The following ERBB2 variants were observed in gnomAD, a reference collection of about 807,000 sequenced individuals.
ERBB2 encodes erb-b2 receptor tyrosine kinase 2, also known as receptor tyrosine-protein kinase erbB-2.
ERBB2 carries 61 observed loss-of-function variants against 149.0 expected under a neutral mutation model. The ratio of observed to expected loss-of-function variants is 0.41; its 90% CI spans 0.33 to 0.51. The LOEUF (loss-of-function observed/expected upper bound fraction) is 0.51, where lower values mean the gene tolerates loss of function less well. Ranked by LOEUF, ERBB2 falls within the 20% of genes least tolerant of loss-of-function variation. ERBB2 has a pLI of 0.25. For synonymous variants in ERBB2, 633 were observed against 678.8 expected, an observed-to-expected ratio of 0.93 and a Z score of 1.05; for missense variants, 1,205 against 1,655.1, an observed-to-expected ratio of 0.73 and a Z score of 4.72.
At chr17:39,700,682 C>T (rs1473929076) in intron 1 of ERBB2, among the ~76,000 whole-genome samples, 1 of 152,172 alleles carries the variant, frequency 6.6e-6, no homozygotes, top group Non-Finnish European at 1.5e-5. Flanking sequence ...CAAAGCCTTT[C>T]CAGTTGGCAG....
At position 39,725,100 on chromosome 17, in the gene ERBB2, C is replaced by T; in HGVS notation, c.2545C>T (p.Arg849Trp). The T allele has an allele frequency of 1.9e-6, 3 of 1,614,046 alleles. No homozygotes were observed. The highest frequency in any genetic ancestry group is 2.5e-6 in the Non-Finnish European group (3 of 1,180,020). ...VRLVHRDLAA[R>W]NVLVKSPNHV... The stretch of plus-strand genomic sequence containing the variant: ...GCTCGTACACAGGGACTTGGCCGCT[C>T]GGAACGTGCTGGTCAAGAGTCCCAA... Residue 849 changes from arginine (R) to tryptophan (W), a missense_variant, in exon 21 of 27, where the codon CGG becomes TGG. This residue lies in a region of ERBB2 where 152 missense variants were observed against 318.1 expected (regional missense o/e 0.48). Coordinates refer to ENST00000269571, the MANE Select transcript of ERBB2 (RefSeq NM_004448.4). The surrounding 1 kb of genome is among the most constrained non-coding windows in gnomAD (Gnocchi z 4.6).
At chr17:39,688,176 G>A (rs1474958015) in exon 1 of ERBB2, 8 of 584,856 alleles carry the variant, frequency 1.4e-5, no homozygotes, top group African/African-American at 1.9e-5. Context: ...CCCGCCCCTC[G>A]TCCCCCTGCT....
chr17:39,709,460 A>G lies in ERBB2; in HGVS notation c.574+8A>G. The G allele has an allele frequency of 6.2e-7, 1 of 1,613,952 alleles. No homozygotes were observed. Among genetic ancestry groups the G allele is most frequent in the South Asian group, 1.1e-5 (1 of 91,076 alleles). On this transcript the variant is annotated splice_region_variant and intron_variant, in intron 4 of 26. Transcript: ENST00000269571. ...CCAACCGCTCTCGGGCCTGTAAGCC[A>G]TGCCCCTCCCTGCTGCCTCTTCTCT...
chr17:39,699,967 G>C (rs989879669), upstream of ERBB2: 7 of 1,242,452 alleles, frequency 5.6e-6, no homozygotes, highest in African/African-American at 3.1e-5. Context: ...GAGGGGGCGA[G>C]CTGGGAGCGC....
rs2143084592 is a variant in ERBB2 at position 39,725,885 on chromosome 17, G to A, written c.2872+32G>A. 6.2e-7 allele frequency: 1 copy of A among 1,611,792 alleles called. No homozygotes were observed. Among genetic ancestry groups the A allele is most frequent in the Non-Finnish European group, 8.5e-7 (1 of 1,179,282 alleles). Reference sequence around the variant, plus strand: ...GGCTGAGCTGTGCTGGCTGCCTGGAGGAGGGTGGGAGGTCCTGGGTGGAGG... The same window carrying A: ...GGCTGAGCTGTGCTGGCTGCCTGGAAGAGGGTGGGAGGTCCTGGGTGGAGG... On this transcript the variant is annotated intron_variant, in intron 23 of 26. Coordinates refer to ENST00000269571, the MANE Select transcript of ERBB2 (RefSeq NM_004448.4). This position sits in a 1 kb window ranked among gnomAD's most constrained non-coding sequence, Gnocchi z 4.6.
rs762819802 is a variant in ERBB2, at chr17:39,724,866, C to T, written c.2448C>T (p.Arg816=). 13 of 1,614,100 alleles carry T rather than the reference C, an allele frequency of 8.1e-6. No homozygotes were observed. Among genetic ancestry groups the T allele is most frequent in the African/African-American group, 5.3e-5 (4 of 74,934 alleles). ...LLDHVRENRG[R]LGSQDLLNWC... is the part of the protein sequence containing the mutation. ...ACCATGTCCGGGAAAACCGCGGACG[C>T]CTGGGCTCCCAGGACCTGCTGAACT... The change falls in exon 20 of 27, where the codon CGC becomes CGT. Residue 816 remains arginine, a synonymous_variant. Coordinates refer to ENST00000269571, the MANE Select transcript of ERBB2 (RefSeq NM_004448.4).
rs772375672 is a variant in ERBB2, at chr17:39,715,266, T to G, written c.1149-20T>G. The G allele has an allele frequency of 6.2e-7, 1 of 1,612,380 alleles. No homozygotes were observed. The highest frequency in any genetic ancestry group is 1.7e-5 in the Admixed American group (1 of 59,988). On this transcript the variant is annotated intron_variant, in intron 9 of 26. Coordinates refer to ENST00000269571, the MANE Select transcript of ERBB2 (RefSeq NM_004448.4). ...CCACCCTGTTCCTGGCCCTGCTGAC[T>G]CCTCTCCTGACCCCTCCAGGGACCC...
At chr17:39,722,081 G>T (rs1335847339) in intron 16 of ERBB2, among the ~76,000 whole-genome samples, 1 of 151,984 alleles carries the variant, frequency 6.6e-6, no homozygotes, top group Admixed American at 6.6e-5. Context: ...ACCACACCCG[G>T]CTAATTTTGT....
rs2145673757 is a variant in ERBB2, at chr17:39,716,302, G to A, written c.1515G>A (p.Val505=). The A allele has an allele frequency of 6.3e-7, 1 of 1,586,084 alleles. No homozygotes were observed. The highest frequency in any genetic ancestry group is 1.1e-5 in the South Asian group (1 of 87,570). ...HTANRPEDEC[V]GEGLACHQLC... is the part of the protein sequence containing the mutation. ...GCGGTCCCTTCCTCCTCACTGCAGT[G>A]GGCGAGGGCCTGGCCTGCCACCAGC... is the stretch of plus-strand genomic sequence containing the variant. The change falls in exon 13 of 27, where the codon GTG becomes GTA. Residue 505 remains valine, a splice_region_variant and synonymous_variant. Coordinates refer to ENST00000269571, the MANE Select transcript of ERBB2 (RefSeq NM_004448.4).
At position 39,728,456 on chromosome 17, in the gene ERBB2, C is replaced by T. The variant is rs1221082973; in HGVS notation, c.*412C>T. The T allele has an allele frequency of 4.0e-6, 1 of 252,652 alleles. No individual in the cohort carries two copies. Among genetic ancestry groups the T allele is most frequent in the Non-Finnish European group, 7.6e-6 (1 of 131,978 alleles). The allele number at this position is 252,652 out of a possible 1,614,324, so 15.7% of individuals were successfully genotyped here. A position where few individuals can be genotyped will look rare whatever the true frequency, so the allele number is the denominator to read the frequency against. ...ACTGTCCCTGAAACCTAGTACTGCCCCCCATGAGGAAGGAACAGCAATGGT... is the reference window on the plus strand; with the variant it reads ...ACTGTCCCTGAAACCTAGTACTGCCTCCCATGAGGAAGGAACAGCAATGGT... On this transcript the variant is annotated 3_prime_UTR_variant, in exon 27 of 27. Coordinates refer to ENST00000269571, the MANE Select transcript of ERBB2 (RefSeq NM_004448.4).
In ERBB2 at chr17:39,726,163, A is replaced by C. The variant is rs4252652; in HGVS notation, c.2872+310A>C. 1 of 407,058 alleles carries C rather than the reference A, an allele frequency of 2.5e-6. No homozygotes were observed. The highest frequency in any genetic ancestry group is 4.4e-6 in the Non-Finnish European group (1 of 225,214). The allele number at this position is 407,058 out of a possible 1,614,324, so 25.2% of individuals were successfully genotyped here. On this transcript the variant is annotated intron_variant, in intron 23 of 26. Coordinates refer to ENST00000269571, the MANE Select transcript of ERBB2 (RefSeq NM_004448.4). The surrounding 1 kb of genome is among the most constrained non-coding windows in gnomAD (Gnocchi z 5.1). Reference sequence around the variant, plus strand: ...AGCCTGGGCAACATAGTGAGATCCTATCTCTACAAAAAATAAAAAAATTAT... The same window carrying C: ...AGCCTGGGCAACATAGTGAGATCCTCTCTCTACAAAAAATAAAAAAATTAT...
At chr17:39,700,684 A>G (rs1224869249) in intron 1 of ERBB2, among the ~76,000 whole-genome samples, 2 of 151,436 alleles carry the variant, frequency 1.3e-5, no homozygotes, top group South Asian at 2.1e-4. Flanking sequence ...AAGCCTTTCC[A>G]GTTGGCAGCC....
chr17:39,710,922 GT>G (rs1394867243), intron 7 of ERBB2, among the ~76,000 whole-genome samples: 1 of 152,180 alleles, frequency 6.6e-6, no homozygotes, highest in African/African-American at 2.4e-5. Flanking sequence ...CTTTCGTTTT[GT>G]TTTTGAGACC....
chr17:39,692,648 G>A (rs562467135), upstream of ERBB2, among the ~76,000 whole-genome samples: 145 of 151,716 alleles, frequency 9.6e-4, 2 homozygotes, highest in South Asian at 2.3e-3. Flanking sequence ...CAGGTGATCC[G>A]TCCGCCTCAG....
At chr17:39,721,141 G>C (rs2059427496) in intron 16 of ERBB2, among the ~76,000 whole-genome samples, 1 of 151,942 alleles carries the variant, frequency 6.6e-6, no homozygotes, top group South Asian at 2.1e-4. Flanking sequence ...GTATAGACAG[G>C]GTCTCACTAT....
At position 39,711,321 on chromosome 17, in the gene ERBB2, A is replaced by G. The variant is rs117907620; in HGVS notation, c.902-607A>G. 2.5e-4 allele frequency among the ~76,000 whole-genome samples: 38 copies of G among 152,230 alleles called. No homozygotes were observed. In the East Asian group the frequency reaches 6.8e-3, roughly 27 times the overall value. On this transcript the variant is annotated intron_variant, in intron 7 of 26. Transcript: ENST00000269571. ...ATTCTTGTGCCTCAGACTCTTGAGT[A>G]GGTGGAACTACAGGCATGCACCACC...
chr17:39,725,658 A>C lies in ERBB2; in HGVS notation c.2726-49A>C. On this transcript the variant is annotated intron_variant, in intron 22 of 26. Transcript: ENST00000269571. The surrounding 1 kb of genome is among the most constrained non-coding windows in gnomAD (Gnocchi z 4.6). ...CTGAGCAGAACCTCTGGCTCAGTAC[A>C]CTAAAGCTCCCTCTGGCCCTCCCAC... 6.4e-7 allele frequency: 1 copy of C among 1,566,744 alleles called. No homozygotes were observed. The highest frequency in any genetic ancestry group is 2.3e-5 in the East Asian group (1 of 44,440).
intron 16 of ERBB2, among the ~76,000 whole-genome samples, chr17:39,722,421 T>G (rs1411174729): frequency 6.6e-6 from 1 of 152,064 alleles, no homozygotes; most frequent in African/African-American, 2.4e-5. Context: ...AAAGACTGCT[T>G]GAGCCCAGAG....
At chr17:39,716,639 G>T (rs2145692008) in intron 14 of ERBB2, 34 bp downstream of exon 14, 5 of 1,594,982 alleles carry the variant, frequency 3.1e-6, no homozygotes, top group Non-Finnish European at 4.3e-6. Flanking sequence ...CTGGGTGGAG[G>T]GGGGCAGCGA....
Sources: gnomAD v4.1 joint callset for allele counts (sites outside exome capture counted in the v4.1 genomes callset) on GRCh38, gnomAD v4.1.1 for gene constraint, gnomAD v4.1.1 regional missense constraint, Gnocchi (gnomAD v3.1) non-coding constraint, MANE v1.5 for transcripts, NCBI Gene and HGNC (gene_info 2026-07-23, HGNC 2026-07-21) for gene names.